Variants in GPHN observed in about 807,000 individuals in gnomAD.
GPHN encodes gephyrin.
Under a neutral mutation model 95.5 loss-of-function variants are expected in GPHN, and 17 were observed. That is an observed-to-expected ratio of 0.18 (90% CI 0.12 to 0.27). GPHN has a LOEUF of 0.27. Among genes scored for constraint, GPHN ranks in the 10% least tolerant of loss-of-function variants. The probability of loss-of-function intolerance (pLI) is 1.00; values close to 1 mark genes in which losing one functional copy is unlikely to be tolerated. For synonymous variants in GPHN, 320 were observed against 322.5 expected (o/e 0.99, Z 0.08); for missense variants, 660 against 978.1 (o/e 0.67, Z 4.34).
chr14:67,691,228 G>A, the GPHN span: 24 of 1,613,548 alleles, frequency 1.5e-5, no homozygotes, highest in Middle Eastern at 1.6e-4. Flanking sequence ...TGATCAAAAC[G>A]TGGAGGTGCT....
At chr14:66,775,352 G>C (rs1049414721) in intron 2 of GPHN, among the ~76,000 whole-genome samples, 3 of 152,128 alleles carry the variant, frequency 2.0e-5, no homozygotes, top group African/African-American at 7.2e-5. Flanking sequence ...AACAAAGGCA[G>C]TTAGGTAATT....
At chr14:67,590,165 T>C in the GPHN span, 1 of 1,550,454 alleles carries the variant, frequency 6.4e-7, no homozygotes, top group Non-Finnish European at 8.7e-7. Flanking sequence ...CAGCCGGGGC[T>C]TGGCACTCTG....
chr14:67,557,524 C>G, the GPHN span: 2 of 994,816 alleles, frequency 2.0e-6, no homozygotes, highest in Admixed American at 4.5e-5. Context: ...CTGGGGAACT[C>G]GCTCCCTCCT....
chr14:67,511,628 G>A, the GPHN span, among the ~76,000 whole-genome samples: 4 of 152,228 alleles, frequency 2.6e-5, no homozygotes, highest in Non-Finnish European at 5.9e-5. Context: ...AGACTGGATT[G>A]TGATCCAAAG....
intron 17 of GPHN, among the ~76,000 whole-genome samples, chr14:67,130,277 C>T (rs2079619207): frequency 6.6e-6 from 1 of 152,110 alleles, no homozygotes; most frequent in Admixed American, 6.6e-5. Flanking sequence ...CCCTCCTTCC[C>T]TCCTCTAGTA....
the GPHN span, chr14:67,352,874 T>A: frequency 7.9e-7 from 1 of 1,272,504 alleles, no homozygotes; most frequent in Non-Finnish European, 1.1e-6. Flanking sequence ...CCAAGGGCCA[T>A]GCTGGATTTT....
In GPHN at chr14:67,047,971, G is replaced by T. The variant is rs558358002; in HGVS notation, c.1007-10678G>T. Among the ~76,000 whole-genome samples, 52 of 152,308 alleles carry T rather than the reference G, an allele frequency of 3.4e-4. No individual in the cohort carries two copies. In the South Asian group the frequency reaches 7.7e-3, roughly 22 times the overall value. On this transcript the variant is annotated intron_variant, in intron 10 of 22. Coordinates refer to ENST00000478722, the MANE Select transcript of GPHN (RefSeq NM_020806.5). ...CCAGACCCTGTCTCAAAACCAAGAT[G>T]AAACATTGTATATTAAGAACTGACT...
chr14:66,580,600 A>C (rs1182544286), intron 1 of GPHN, among the ~76,000 whole-genome samples: 1 of 151,850 alleles, frequency 6.6e-6, no homozygotes, highest in Non-Finnish European at 1.5e-5. Context: ...ATTCCTGGAA[A>C]CATACATCTT....
intron 9 of GPHN, among the ~76,000 whole-genome samples, chr14:66,986,990 C>T (rs977556956): frequency 6.6e-6 from 1 of 152,118 alleles, no homozygotes; most frequent in Non-Finnish European, 1.5e-5. Flanking sequence ...AAGCCATCCT[C>T]TCTGTTCTCT....
chr14:67,578,208 G>A, the GPHN span: 1 of 1,611,852 alleles, frequency 6.2e-7, no homozygotes, highest in Non-Finnish European at 8.5e-7. This position sits in a 1 kb window ranked among gnomAD's most constrained non-coding sequence, Gnocchi z 5.0. Flanking sequence ...AGGTAGGCAT[G>A]CCAGGGGTGG....
At chr14:67,242,206 C>A in the GPHN span, among the ~76,000 whole-genome samples, 1 of 152,186 alleles carries the variant, frequency 6.6e-6, no homozygotes, top group Admixed American at 6.5e-5. Flanking sequence ...AACTCACCTT[C>A]TGTTGATTGA....
At chr14:67,280,792 TTTCCTTCCTTCCTTCC>T in the GPHN span, among the ~76,000 whole-genome samples, 571 of 77,656 alleles carry the variant, frequency 7.4e-3, 7 homozygotes, top group Non-Finnish European at 0.011. Flanking sequence ...TCTGGAGCAG[TTTCCTTCCTTCCTTCC>T]TTCCTTCCTT....
the GPHN span, among the ~76,000 whole-genome samples, chr14:67,260,242 C>A: frequency 1.9e-3 from 294 of 152,292 alleles, no homozygotes; most frequent in African/African-American, 7.0e-3. Flanking sequence ...GGCCATACCA[C>A]CCTGACTGTG....
chr14:67,579,339 C>T, the GPHN span: 24 of 1,455,058 alleles, frequency 1.6e-5, no homozygotes, highest in Admixed American at 2.9e-5. Flanking sequence ...CTCTTTGCCC[C>T]GAGTCTTCTC....
chr14:67,373,019 CAATA>C, the GPHN span, among the ~76,000 whole-genome samples: 2 of 152,242 alleles, frequency 1.3e-5, no homozygotes, highest in Non-Finnish European at 1.5e-5. Flanking sequence ...ACTGCACAAT[CAATA>C]GATTGACTTT....
chr14:66,682,120 G>A (rs1201301637), intron 2 of GPHN, among the ~76,000 whole-genome samples: 1 of 152,170 alleles, frequency 6.6e-6, no homozygotes, highest in Non-Finnish European at 1.5e-5. Context: ...ATATGAGAGT[G>A]CTGAAAATGT....
At chr14:67,223,291 C>T in the GPHN span, among the ~76,000 whole-genome samples, 4 of 151,994 alleles carry the variant, frequency 2.6e-5, no homozygotes, top group Admixed American at 6.6e-5. Context: ...TGAGCCACTG[C>T]GCCTGGCCCC....
intron 11 of GPHN, among the ~76,000 whole-genome samples, chr14:67,086,317 G>A (rs1313445107): frequency 6.6e-6 from 1 of 152,168 alleles, no homozygotes; most frequent in Non-Finnish European, 1.5e-5. Flanking sequence ...TGGGTAGAGG[G>A]AACATGAGTG....
intron 11 of GPHN, among the ~76,000 whole-genome samples, chr14:67,059,863 C>T (rs763668791): frequency 1.3e-5 from 2 of 152,004 alleles, no homozygotes; most frequent in Non-Finnish European, 2.9e-5. Context: ...TTTTCTTTTA[C>T]TCCTCAATAA....
Sources: allele counts gnomAD v4.1 joint callset (sites outside exome capture counted in the v4.1 genomes callset), GRCh38; gene constraint gnomAD v4.1.1; non-coding constraint Gnocchi (gnomAD v3.1); transcripts MANE v1.5; gene names NCBI Gene and HGNC (gene_info 2026-07-23, HGNC 2026-07-21).